The following RIN2 variants were observed in gnomAD, a reference collection of about 807,000 sequenced individuals.
RIN2 encodes the protein Ras and Rab interactor 2, also known as RAB5 interacting protein 2.
In RIN2, 36 loss-of-function variants were observed where a neutral mutation model predicts 78.0. The ratio of observed to expected loss-of-function variants is 0.46; its 90% CI spans 0.35 to 0.61. RIN2 has a LOEUF of 0.61. Ranked by LOEUF, RIN2 falls within the 20% of genes least tolerant of loss-of-function variation. The pLI is 0.00. For missense variants in RIN2, 1,087 were observed against 1,159.7 expected (o/e 0.94, Z 0.91); for synonymous variants, 466 against 466.8 (o/e 1.00, Z 0.02).
In RIN2 at chr20:19,764,916, GCGTTTTTTT is replaced by G. The variant is rs1392387682; in HGVS notation, c.-163+6590_-163+6598del. On this transcript the variant is annotated intron_variant, in intron 1 of 12. Transcript: ENST00000255006. ...AAGGGCAAGTCCCACTTCACTTTCT[GCGTTTTTTT>G]TTTTTTTTTTTTTTTTTTGACAGAG... is the stretch of plus-strand genomic sequence containing the variant. Among the ~76,000 whole-genome samples the G allele has an allele frequency of 8.2e-4, 29 of 35,362 alleles. 1 individual carries two copies. The highest frequency in any genetic ancestry group is 8.9e-4 in the Admixed American group (2 of 2,252). The allele number at this position is 35,362 out of a possible 152,430, so 23.2% of individuals were successfully genotyped here.
chr20:19,963,411 C>T (rs368594663), intron 6 of RIN2, among the ~76,000 whole-genome samples: 82 of 152,082 alleles, frequency 5.4e-4, no homozygotes, highest in East Asian at 5.2e-3. Context: ...GTCAGCAGTT[C>T]GAGACCAGCC....
At chr20:19,809,920 C>T (rs1321624494) in intron 2 of RIN2, among the ~76,000 whole-genome samples, 4 of 152,112 alleles carry the variant, frequency 2.6e-5, no homozygotes, top group Non-Finnish European at 5.9e-5. Context: ...GATCCTCTGC[C>T]ACAAGAGAAC....
chr20:19,844,108 G>A, intron 2 of RIN2, among the ~76,000 whole-genome samples: 1 of 152,104 alleles, frequency 6.6e-6, no homozygotes. Flanking sequence ...CAAAATAAGG[G>A]AGAGTAGCTC....
chr20:19,919,231 A>G (rs1053229392), intron 3 of RIN2, among the ~76,000 whole-genome samples: 2 of 152,202 alleles, frequency 1.3e-5, no homozygotes, highest in Admixed American at 6.5e-5. Flanking sequence ...CCTGCCGGTC[A>G]TCTGCCAGTT....
chr20:19,814,912 A>C (rs532587581), intron 2 of RIN2, among the ~76,000 whole-genome samples: 1 of 152,268 alleles, frequency 6.6e-6, no homozygotes, highest in South Asian at 2.1e-4. Flanking sequence ...ACTGATTTTA[A>C]AATCCACTTG....
chr20:19,909,054 G>A (rs2039348130), intron 3 of RIN2, among the ~76,000 whole-genome samples: 1 of 152,124 alleles, frequency 6.6e-6, no homozygotes, highest in Non-Finnish European at 1.5e-5. Flanking sequence ...AGTAGAGACT[G>A]GGTTTTGCCA....
At chr20:19,759,102 C>T (rs927581942) in intron 1 of RIN2, among the ~76,000 whole-genome samples, 1 of 152,192 alleles carries the variant, frequency 6.6e-6, no homozygotes, top group East Asian at 1.9e-4. Context: ...GTCCACCCAC[C>T]GGCGGTGGCG....
At chr20:19,992,126 A>T in intron 10 of RIN2, 42 bp from the exon 11 acceptor site, 2 of 1,598,902 alleles carry the variant, frequency 1.3e-6, no homozygotes, top group Non-Finnish European at 1.7e-6. Context: ...AAGAAAGAAA[A>T]GTTGGTAAAA....
At chr20:19,768,918 GTTTC>G (rs2034003637) in intron 1 of RIN2, among the ~76,000 whole-genome samples, 1 of 139,012 alleles carries the variant, frequency 7.2e-6, no homozygotes, top group African/African-American at 2.7e-5. Context: ...TTTGCTTTCT[GTTTC>G]TTTTTTTTTT....
chr20:19,996,554 A>G, intron 11 of RIN2, 125 bp from the exon 12 acceptor site: 1 of 940,676 alleles, frequency 1.1e-6, no homozygotes, highest in Non-Finnish European at 1.6e-6. Context: ...CTGTGATCCC[A>G]CAAGGAAATG....
intron 2 of RIN2, among the ~76,000 whole-genome samples, chr20:19,865,289 C>A (rs1232798402): frequency 6.6e-6 from 1 of 152,094 alleles, no homozygotes; most frequent in Non-Finnish European, 1.5e-5. Flanking sequence ...AGTATAGTCA[C>A]AACATTCAGG....
chr20:19,950,899 TC>T (rs1183712188), intron 4 of RIN2, among the ~76,000 whole-genome samples: 3,912 of 134,446 alleles, frequency 0.029, 78 homozygotes, highest in Non-Finnish European at 0.041. Context: ...TTTTTTTTTT[TC>T]TTTTTTTGGG....
chr20:19,777,638 T>C (rs2034356156), intron 1 of RIN2, among the ~76,000 whole-genome samples: 1 of 152,274 alleles, frequency 6.6e-6, no homozygotes, highest in Admixed American at 6.5e-5. Flanking sequence ...TGATTTTTCT[T>C]ATACTAGTTT....
intron 4 of RIN2, among the ~76,000 whole-genome samples, chr20:19,939,850 CTTT>C (rs11477693): frequency 6.9e-6 from 1 of 145,156 alleles, no homozygotes; most frequent in African/African-American, 2.6e-5. Context: ...TCCATTCTTT[CTTT>C]TTTTTTTTTT....
intron 9 of RIN2, among the ~76,000 whole-genome samples, chr20:19,978,376 G>T (rs2042348651): frequency 6.6e-6 from 1 of 152,158 alleles, no homozygotes; most frequent in South Asian, 2.1e-4. Context: ...TATCCCTTTA[G>T]TATATGGAGA....
intron 2 of RIN2, among the ~76,000 whole-genome samples, chr20:19,887,358 A>G (rs2038244963): frequency 2.6e-5 from 4 of 152,162 alleles, no homozygotes; most frequent in African/African-American, 9.7e-5. Context: ...TTTTAAAATA[A>G]TAATAAGCTA....
chr20:19,891,892 C>T lies in RIN2; in HGVS notation c.57+2234C>T, dbSNP rs553586835. 3.3e-5 allele frequency among the ~76,000 whole-genome samples: 5 copies of T among 152,316 alleles called. No homozygotes were observed. The East Asian group carries it at 7.7e-4, about 23-fold the overall frequency. ...CCTTTGAACATTTCTTAGGAAGGTG[C>T]CCTGAGGGGCCCAATGTACTACCTA... On this transcript the variant is annotated intron_variant, in intron 3 of 12. Coordinates refer to ENST00000255006, the MANE Select transcript of RIN2 (RefSeq NM_018993.4).
At chr20:19,792,484 T>G (rs1309346114) in intron 1 of RIN2, among the ~76,000 whole-genome samples, 1 of 152,124 alleles carries the variant, frequency 6.6e-6, no homozygotes, top group Admixed American at 6.5e-5. Context: ...ATGAGTGATG[T>G]GTGTTGTGAG....
intron 1 of RIN2, among the ~76,000 whole-genome samples, chr20:19,784,480 T>A (rs2034610022): frequency 6.9e-6 from 1 of 144,354 alleles, no homozygotes; most frequent in South Asian, 2.1e-4. Context: ...GGCATTATTA[T>A]TTAAACACAT....
Sources: gnomAD v4.1 joint callset for allele counts (sites outside exome capture counted in the v4.1 genomes callset) on GRCh38, gnomAD v4.1.1 for gene constraint, MANE v1.5 for transcripts, NCBI Gene and HGNC (gene_info 2026-07-23, HGNC 2026-07-21) for gene names.